ZNF583: variants seen among roughly 807,000 people sequenced by gnomAD.
ZNF583 encodes zinc finger protein 583.
Under a neutral mutation model 55.3 loss-of-function variants are expected in ZNF583, and 30 were observed. That is an observed-to-expected ratio of 0.54 (90% CI 0.41 to 0.74). The LOEUF (loss-of-function observed/expected upper bound fraction) is 0.74. ZNF583 is among the 30% of genes least tolerant of loss of function. The pLI is 0.00. For synonymous variants in ZNF583, 208 were observed against 220.0 expected, an observed-to-expected ratio of 0.95 and a Z score of 0.48; for missense variants, 504 against 664.7, an observed-to-expected ratio of 0.76 and a Z score of 2.66.
chr19:56,421,381 T>C, intron 4 of ZNF583: 2 of 773,754 alleles, frequency 2.6e-6, no homozygotes, highest in Non-Finnish European at 3.1e-6. Flanking sequence ...CATATTTCTT[T>C]TTTGACCCAT....
At chr19:56,405,470 A>G (rs2042131970) in intron 1 of ZNF583, among the ~76,000 whole-genome samples, 1 of 151,988 alleles carries the variant, frequency 6.6e-6, no homozygotes, top group African/African-American at 2.4e-5. Context: ...GTGCTTGGAG[A>G]TGCTGGTGTG....
chr19:56,409,410 A>G (rs1041491330), intron 2 of ZNF583, among the ~76,000 whole-genome samples: 1 of 151,514 alleles, frequency 6.6e-6, no homozygotes, highest in Non-Finnish European at 1.5e-5. Context: ...CCATTAGCCC[A>G]AATGCTGTTT....
At chr19:56,414,609 C>T (rs2042290073) in intron 4 of ZNF583, 169 bp downstream of exon 4, 2 of 600,950 alleles carry the variant, frequency 3.3e-6, no homozygotes, top group Non-Finnish European at 5.8e-6. Context: ...TTTGTTCTCT[C>T]TGTCTATATT....
chr19:56,416,242 T>C (rs1484065679), intron 4 of ZNF583, among the ~76,000 whole-genome samples: 2 of 151,378 alleles, frequency 1.3e-5, no homozygotes, highest in Non-Finnish European at 2.9e-5. Flanking sequence ...AGAGAATCAC[T>C]TGAACTCAGG....
rs1425661934 is a variant in ZNF583, at chr19:56,414,335, T to G, written c.137-10T>G. The G allele has an allele frequency of 1.2e-6, 2 of 1,613,922 alleles. No individual in the cohort carries two copies. The highest frequency in any genetic ancestry group is 2.7e-5 in the African/African-American group (2 of 74,912). The stretch of plus-strand genomic sequence containing the variant: ...ACCTGCCTAATTCCCCTTTTGTTTT[T>G]TGTAAGCAGGAGTTTCTGTTTCTAA... On this transcript the variant is annotated splice_polypyrimidine_tract_variant and intron_variant, in intron 3 of 4. Coordinates refer to ENST00000333201, the MANE Select transcript of ZNF583 (RefSeq NM_152478.3).
Position 56,404,706 on chromosome 19 carries a change from G to A in ZNF583, c.-90+254G>A, listed in dbSNP as rs2042117634. Among the ~76,000 whole-genome samples, 1 of 152,168 alleles carries A rather than the reference G, an allele frequency of 6.6e-6. No homozygotes were observed. Among genetic ancestry groups the A allele is most frequent in the Admixed American group, 6.5e-5 (1 of 15,284 alleles). ...CCATGTGGGACAAATGTGGGACTAT[G>A]TGTGACAGTATGAGACTGGGTGTGA... On this transcript the variant is annotated intron_variant, in intron 1 of 4. Coordinates refer to ENST00000333201, the MANE Select transcript of ZNF583 (RefSeq NM_152478.3). The surrounding 1 kb of genome is among the most constrained non-coding windows in gnomAD (Gnocchi z 5.2).
Position 56,424,434 on chromosome 19 carries a change from A to G in ZNF583, c.*66A>G. The G allele has an allele frequency of 7.2e-6, 5 of 696,074 alleles. No homozygotes were observed. Among genetic ancestry groups the G allele is most frequent in the Non-Finnish European group, 9.9e-6 (4 of 402,700 alleles). 43.1% of individuals were successfully genotyped at this position (696,074 alleles called of 1,614,324 possible). A position where few individuals can be genotyped will look rare whatever the true frequency, so the allele number is the denominator to read the frequency against. On this transcript the variant is annotated 3_prime_UTR_variant, in exon 5 of 5. Coordinates refer to ENST00000333201, the MANE Select transcript of ZNF583 (RefSeq NM_152478.3). ...TCATCCTTGTCCAATGCACATTAAT[A>G]TATTTGACATGGGATACTCGAGTAG...
rs2042117790 is a variant in ZNF583, at chr19:56,404,716, A to G, written c.-90+264A>G. ...CAAATGTGGGACTATGTGTGACAGTATGAGACTGGGTGTGAGAATGTGTGC... is the reference window on the plus strand; with the variant it reads ...CAAATGTGGGACTATGTGTGACAGTGTGAGACTGGGTGTGAGAATGTGTGC... On this transcript the variant is annotated intron_variant, in intron 1 of 4. Coordinates refer to ENST00000333201, the MANE Select transcript of ZNF583 (RefSeq NM_152478.3). The surrounding 1 kb of genome is among the most constrained non-coding windows in gnomAD (Gnocchi z 5.2). Among the ~76,000 whole-genome samples, 1 of 152,034 alleles carries G rather than the reference A, an allele frequency of 6.6e-6. No individual in the cohort carries two copies. The highest frequency in any genetic ancestry group is 1.5e-5 in the Non-Finnish European group (1 of 67,998).
At chr19:56,419,331 G>C (rs1447858137) in intron 4 of ZNF583, among the ~76,000 whole-genome samples, 1 of 151,812 alleles carries the variant, frequency 6.6e-6, no homozygotes, top group Admixed American at 6.6e-5. Flanking sequence ...GAGTAGCTAG[G>C]ACTACAGGCA....
In ZNF583 at chr19:56,423,079, C is replaced by A; in HGVS notation, c.421C>A (p.Gln141Lys). Residue 141 changes from glutamine to lysine, a missense_variant, in exon 5 of 5, where the codon CAA (glutamine) becomes AAA (lysine). Transcript: ENST00000333201. ...QLGSQEVHLSQLIITHKEILP... is the reference protein window; with the variant it reads ...QLGSQEVHLSKLIITHKEILP... ...GGGAAGTCAAGAGGTACATCTTAGT[C>A]AATTAATCATCACTCATAAAGAAAT... 6.2e-7 allele frequency: 1 copy of A among 1,613,054 alleles called. No homozygotes were observed. Among genetic ancestry groups the A allele is most frequent in the South Asian group, 1.1e-5 (1 of 90,762 alleles).
At chr19:56,422,110 A>AG (rs1267643265) in intron 4 of ZNF583, among the ~76,000 whole-genome samples, 5 of 152,222 alleles carry the variant, frequency 3.3e-5, no homozygotes, top group Admixed American at 1.3e-4. Flanking sequence ...GAGTAGTAGA[A>AG]GATAAGATCA....
chr19:56,405,966 T>C (rs2042140750), intron 1 of ZNF583, among the ~76,000 whole-genome samples: 1 of 152,206 alleles, frequency 6.6e-6, no homozygotes, highest in Admixed American at 6.5e-5. Context: ...CACTGAGTTA[T>C]GCCACTTCAT....
intron 1 of ZNF583, 28 bp from the exon 2 acceptor site, chr19:56,406,998 C>T: frequency 8.5e-7 from 1 of 1,174,146 alleles, no homozygotes; most frequent in African/African-American, 1.5e-5. Flanking sequence ...GCAGGCCTGG[C>T]ATTTTATGGT....
intron 2 of ZNF583, among the ~76,000 whole-genome samples, chr19:56,407,807 G>A (rs1470368179): frequency 6.6e-6 from 1 of 152,164 alleles, no homozygotes. Flanking sequence ...ACTAATGGGA[G>A]AGCACTTGAA....
At position 56,424,156 on chromosome 19, in the gene ZNF583, G is replaced by A. The variant is rs757833781; in HGVS notation, c.1498G>A (p.Ala500Thr). The A allele has an allele frequency of 6.2e-7, 1 of 1,611,956 alleles. No individual in the cohort carries two copies. Among genetic ancestry groups the A allele is most frequent in the African/African-American group, 1.3e-5 (1 of 74,870 alleles). Residue 500 changes from alanine (A) to threonine (T), a missense_variant, in exon 5 of 5, where the codon GCA becomes ACA. By Grantham distance (58) the Ala-to-Thr change is moderately conservative (BLOSUM62 0). Transcript: ENST00000333201. The stretch of plus-strand genomic sequence containing the variant: ...TTATGAATGTAATGTTTGTGGGAAA[G>A]CATTTAGCTATAGTGGATCTCTTAC... ...KPYECNVCGK[A>T]FSYSGSLTLH...
At position 56,423,836 on chromosome 19, in the gene ZNF583, C is replaced by T. The variant is rs1568817491; in HGVS notation, c.1178C>T (p.Ala393Val). ...KECRKAFSQY[A>V]HLAQHQRVHT... Reference sequence around the variant, plus strand: ...TGTAGGAAAGCCTTCAGCCAGTATGCACACCTTGCTCAACATCAGAGAGTT... The same window carrying T: ...TGTAGGAAAGCCTTCAGCCAGTATGTACACCTTGCTCAACATCAGAGAGTT... Residue 393 changes from alanine to valine, a missense_variant, in exon 5 of 5, where the codon GCA becomes GTA. Coordinates refer to ENST00000333201, the MANE Select transcript of ZNF583 (RefSeq NM_152478.3). 1 of 1,613,868 alleles carries T rather than the reference C, an allele frequency of 6.2e-7. No homozygotes were observed. The highest frequency in any genetic ancestry group is 8.5e-7 in the Non-Finnish European group (1 of 1,179,958).
intron 2 of ZNF583, among the ~76,000 whole-genome samples, chr19:56,411,980 A>G (rs561353204): frequency 5.3e-5 from 8 of 152,320 alleles, no homozygotes; most frequent in African/African-American, 1.4e-4. Context: ...AAAGAGTCAT[A>G]TAAGAGTAGG....
chr19:56,409,787 G>A (rs536589420), intron 2 of ZNF583, among the ~76,000 whole-genome samples: 18 of 152,136 alleles, frequency 1.2e-4, no homozygotes, highest in East Asian at 3.9e-4. Context: ...ATACTTATAC[G>A]TACGTGCTTA....
intron 2 of ZNF583, 127 bp downstream of exon 2, chr19:56,407,250 A>C: frequency 9.3e-7 from 1 of 1,077,122 alleles, no homozygotes; most frequent in Non-Finnish European, 1.4e-6. Context: ...CTCGTTCCTC[A>C]TATCTTGCTT....
Sources: allele counts gnomAD v4.1 joint callset (sites outside exome capture counted in the v4.1 genomes callset), GRCh38; gene constraint gnomAD v4.1.1; non-coding constraint Gnocchi (gnomAD v3.1); transcripts MANE v1.5; gene names NCBI Gene and HGNC (gene_info 2026-07-23, HGNC 2026-07-21).